Variants in DYM observed in about 807,000 individuals in gnomAD.
DYM encodes dymeclin.
A neutral mutation model predicts 93.1 loss-of-function variants in DYM; 78 were observed. The ratio of observed to expected loss-of-function variants is 0.84; its 90% CI spans 0.70 to 1.01. The LOEUF (loss-of-function observed/expected upper bound fraction) is 1.01, where lower values mean the gene tolerates loss of function less well. Among genes scored for constraint, DYM ranks in the 50% least tolerant of loss-of-function variants. The probability of loss-of-function intolerance (pLI) is 0.00; values close to 1 mark genes in which losing one functional copy is unlikely to be tolerated. For synonymous variants in DYM, 321 were observed against 319.7 expected (o/e 1.00, Z -0.04); for missense variants, 789 against 845.0 (o/e 0.93, Z 0.82).
At chr18:49,173,495 C>T (rs142391324) in intron 14 of DYM, among the ~76,000 whole-genome samples, 108 of 152,072 alleles carry the variant, frequency 7.1e-4, no homozygotes, top group African/African-American at 2.5e-3. Context: ...TTTCAGTGTA[C>T]CAGGTCTTGA....
chr18:49,253,120 T>C (rs2094324267), intron 13 of DYM, among the ~76,000 whole-genome samples: 1 of 152,218 alleles, frequency 6.6e-6, no homozygotes, highest in Non-Finnish European at 1.5e-5. Flanking sequence ...CAATGTAACA[T>C]GTTATCTGTT....
chr18:49,068,927 C>G (rs571236087), intron 17 of DYM, among the ~76,000 whole-genome samples: 1 of 152,260 alleles, frequency 6.6e-6, no homozygotes, highest in African/African-American at 2.4e-5. Context: ...TAAATACAAA[C>G]ACTGGAACCA....
intron 2 of DYM, among the ~76,000 whole-genome samples, chr18:49,395,535 A>G (rs1004218662): frequency 3.3e-5 from 5 of 152,162 alleles, no homozygotes; most frequent in Non-Finnish European, 7.3e-5. Context: ...AGGCTGAGGC[A>G]GGAGAATCGC....
At position 49,211,771 on chromosome 18, in the gene DYM, A is replaced by G. The variant is rs565379441; in HGVS notation, c.1461-2056T>C. Among the ~76,000 whole-genome samples, 5 of 152,328 alleles carry G rather than the reference A, an allele frequency of 3.3e-5. No homozygotes were observed. The South Asian group carries it at 8.3e-4, about 25-fold the overall frequency. ...AGGAGACAGATTATTAGACAAAACA[A>G]AATTCCTCTGAAATAGAGAAAGTCT... On this transcript the variant is annotated intron_variant, in intron 13 of 17. Transcript: ENST00000675505.
chr18:49,258,514 TTAAGTAAAAAA>T, intron 11 of DYM, 21 bp from the exon 12 acceptor site: 1 of 1,430,834 alleles, frequency 7.0e-7, no homozygotes, highest in Non-Finnish European at 9.9e-7. Flanking sequence ...GAAGAAAAGT[TTAAGTAAAAAA>T]TGATTGCTTT....
chr18:49,133,451 T>C (rs967145709), intron 15 of DYM, among the ~76,000 whole-genome samples: 1 of 152,200 alleles, frequency 6.6e-6, no homozygotes, highest in Non-Finnish European at 1.5e-5. Flanking sequence ...TCAGATAGGT[T>C]TGGTTCCTCC....
At chr18:49,311,840 C>G (rs902891110) in intron 8 of DYM, among the ~76,000 whole-genome samples, 3 of 149,414 alleles carry the variant, frequency 2.0e-5, no homozygotes, top group Non-Finnish European at 4.4e-5. Flanking sequence ...CAAACCTTCA[C>G]GTTATGCACA....
chr18:49,080,562 C>T (rs9748365), intron 17 of DYM, among the ~76,000 whole-genome samples: 1 of 139,102 alleles, frequency 7.2e-6, no homozygotes, highest in Non-Finnish European at 1.6e-5. Context: ...CCCTCACCTC[C>T]CGGACGGGGC....
intron 16 of DYM, among the ~76,000 whole-genome samples, chr18:49,110,470 A>C (rs1003853323): frequency 1.3e-5 from 2 of 151,898 alleles, no homozygotes; most frequent in Non-Finnish European, 2.9e-5. Flanking sequence ...TTTTAAAGAC[A>C]TTTTTGAGGG....
chr18:49,343,023 C>T (rs1181349899), intron 6 of DYM, among the ~76,000 whole-genome samples: 2 of 152,100 alleles, frequency 1.3e-5, no homozygotes, highest in East Asian at 1.9e-4. Flanking sequence ...TTAAAAATAG[C>T]GAGAACAGAA....
At chr18:49,052,407 A>G (rs1275651271) in intron 17 of DYM, among the ~76,000 whole-genome samples, 1 of 152,236 alleles carries the variant, frequency 6.6e-6, no homozygotes, top group African/African-American at 2.4e-5. Flanking sequence ...CTAAAGTACT[A>G]AGGAAAAGAA....
At chr18:49,358,543 A>C (rs971318927) in intron 6 of DYM, among the ~76,000 whole-genome samples, 2 of 152,206 alleles carry the variant, frequency 1.3e-5, no homozygotes, top group Admixed American at 1.3e-4. Context: ...TTATCAATCT[A>C]TACCTTACGA....
At chr18:49,258,895 C>A (rs1253676355) in intron 11 of DYM, among the ~76,000 whole-genome samples, 2 of 141,264 alleles carry the variant, frequency 1.4e-5, no homozygotes, top group Non-Finnish European at 3.1e-5. Context: ...GATAGGCAGG[C>A]AGGCCGGCAG....
intron 15 of DYM, among the ~76,000 whole-genome samples, chr18:49,163,304 A>G (rs1056011932): frequency 2.0e-5 from 3 of 152,110 alleles, no homozygotes; most frequent in Non-Finnish European, 4.4e-5. Context: ...TTGAGAAGAG[A>G]GGGGTAATGC....
intron 5 of DYM, among the ~76,000 whole-genome samples, chr18:49,371,883 A>G (rs1445259297): frequency 6.6e-6 from 1 of 152,220 alleles, no homozygotes; most frequent in African/African-American, 2.4e-5. Context: ...ACAAATTTAG[A>G]TTACAAACTA....
At chr18:49,085,936 T>A (rs35054365) in intron 17 of DYM, among the ~76,000 whole-genome samples, 47,839 of 152,082 alleles carry the variant, frequency 0.31, 8,858 homozygotes, top group Middle Eastern at 0.47. Context: ...ACCACAGTTA[T>A]CTTTTTAGGA....
chr18:49,369,698 G>A (rs2066823481), intron 5 of DYM, among the ~76,000 whole-genome samples: 1 of 152,160 alleles, frequency 6.6e-6, no homozygotes. Flanking sequence ...AAACATGCAT[G>A]TTTAATCTAC....
chr18:49,071,418 T>C (rs1568371914), intron 17 of DYM, among the ~76,000 whole-genome samples: 1 of 152,230 alleles, frequency 6.6e-6, no homozygotes, highest in Non-Finnish European at 1.5e-5. Context: ...GTGATACAAT[T>C]GAAACCACGG....
intron 1 of DYM, among the ~76,000 whole-genome samples, chr18:49,446,146 G>A (rs1432845837): frequency 6.6e-6 from 1 of 152,160 alleles, no homozygotes; most frequent in Non-Finnish European, 1.5e-5. Context: ...TTAGGGCCAG[G>A]TGCAGTGGCT....
Sources: allele counts gnomAD v4.1 joint callset (sites outside exome capture counted in the v4.1 genomes callset), GRCh38; gene constraint gnomAD v4.1.1; transcripts MANE v1.5; gene names NCBI Gene and HGNC (gene_info 2026-07-23, HGNC 2026-07-21).